Variants in PSIP1 observed in about 807,000 individuals in gnomAD.
The protein encoded by PSIP1 is PC4 and SRSF1 interacting protein 1.
A neutral mutation model predicts 74.7 loss-of-function variants in PSIP1; 19 were observed. The ratio of observed to expected loss-of-function variants is 0.25; its 90% CI spans 0.18 to 0.37. The LOEUF (loss-of-function observed/expected upper bound fraction) is 0.37. PSIP1 is among the 10% of genes least tolerant of loss of function. PSIP1 has a pLI of 1.00. For missense variants in PSIP1, 601 were observed against 614.3 expected, an observed-to-expected ratio of 0.98 and a Z score of 0.23; for synonymous variants, 222 against 195.3, an observed-to-expected ratio of 1.14 and a Z score of -1.14.
chr9:15,468,288 G>A (rs1379423875), intron 14 of PSIP1: 8 of 549,794 alleles, frequency 1.5e-5, no homozygotes, highest in Non-Finnish European at 2.8e-5. Flanking sequence ...TACTTTTTAG[G>A]TGAGAAGAAA....
At chr9:15,472,565 T>C in intron 10 of PSIP1, 67 bp downstream of exon 10, 1 of 1,530,194 alleles carries the variant, frequency 6.5e-7, no homozygotes, top group Non-Finnish European at 8.7e-7. Flanking sequence ...AATGAAAGTC[T>C]ATTATTTAAA....
At chr9:15,479,561 A>C in intron 7 of PSIP1, 30 bp downstream of exon 7, 2 of 1,524,280 alleles carry the variant, frequency 1.3e-6, no homozygotes, top group Non-Finnish European at 1.8e-6. Context: ...ATCACAAGCC[A>C]AACAGATATT....
At chr9:15,477,350 AC>A (rs2036134222) in intron 8 of PSIP1, among the ~76,000 whole-genome samples, 1 of 152,166 alleles carries the variant, frequency 6.6e-6, no homozygotes, top group South Asian at 2.1e-4. Context: ...TGTGGTGAGA[AC>A]CCTTAAAGTC....
intron 3 of PSIP1, chr9:15,505,495 G>A (rs2037544938): frequency 1.3e-5 from 2 of 152,152 alleles, no homozygotes; most frequent in South Asian, 2.1e-4. Flanking sequence ...AACCAATTCT[G>A]GATCCAAAGT....
intron 2 of PSIP1, 96 bp from the exon 3 acceptor site, chr9:15,506,733 T>C (rs1304628527): frequency 1.0e-6 from 1 of 952,916 alleles, no homozygotes; most frequent in Non-Finnish European, 1.5e-6. Context: ...AAGGGTTCTG[T>C]TATAAAATGG....
chr9:15,470,809 C>G (rs2035791495), intron 10 of PSIP1: 2 of 1,024,368 alleles, frequency 2.0e-6, no homozygotes, highest in Non-Finnish European at 2.4e-6. Flanking sequence ...AACTGCTATT[C>G]CAGTTTAATA....
intron 10 of PSIP1, among the ~76,000 whole-genome samples, 166 bp from the exon 11 acceptor site, chr9:15,470,159 A>G (rs913249434): frequency 1.3e-5 from 2 of 152,102 alleles, no homozygotes; most frequent in Admixed American, 6.6e-5. Flanking sequence ...TAGCATAAAT[A>G]TAAGCAAAAC....
intron 4 of PSIP1, chr9:15,489,363 T>C (rs562123865): frequency 1.3e-5 from 2 of 152,176 alleles, no homozygotes; most frequent in South Asian, 4.2e-4. Context: ...ATCCCAGCAT[T>C]TTGGGAGGCT....
rs113919033 is a variant in PSIP1, at chr9:15,476,022, C to T, written c.630-1785G>A. 2.3e-3 allele frequency among the ~76,000 whole-genome samples: 344 copies of T among 152,140 alleles called. 1 individual carries two copies. The highest frequency in any genetic ancestry group is 4.0e-3 in the Non-Finnish European group (272 of 68,004). ...TCTACTGTTGTGTCACATCAGTACC[C>T]GTGACAAAGAAGTAGACGCTAAGAG... On this transcript the variant is annotated intron_variant, in intron 8 of 15. Transcript: ENST00000380733.
chr9:15,486,343 T>A (rs1563882228), intron 5 of PSIP1, among the ~76,000 whole-genome samples: 4 of 152,252 alleles, frequency 2.6e-5, no homozygotes, highest in African/African-American at 4.8e-5. Context: ...ACTAGAATTC[T>A]GAATTATAGG....
intron 2 of PSIP1, among the ~76,000 whole-genome samples, chr9:15,507,211 A>C (rs1221596160): frequency 6.6e-6 from 1 of 152,194 alleles, no homozygotes; most frequent in African/African-American, 2.4e-5. Context: ...TTCCTTTTTC[A>C]CTGCTCTTTC....
chr9:15,508,709 T>G (rs2037712783), intron 2 of PSIP1, among the ~76,000 whole-genome samples: 1 of 152,180 alleles, frequency 6.6e-6, no homozygotes, highest in African/African-American at 2.4e-5. Context: ...TTCCCTAGGC[T>G]CCATTTGAAC....
chr9:15,479,648 T>C lies in PSIP1; in HGVS notation c.496A>G (p.Thr166Ala). 1 of 1,612,262 alleles carries C rather than the reference T, an allele frequency of 6.2e-7. No individual in the cohort carries two copies. The highest frequency in any genetic ancestry group is 8.5e-7 in the Non-Finnish European group (1 of 1,179,268). The change falls in exon 7 of 16, where the codon ACA becomes GCA. Residue 166 changes from threonine to alanine, a missense_variant. Thr to Ala is a moderately conservative substitution (Grantham distance 58). Coordinates refer to ENST00000380733, the MANE Select transcript of PSIP1 (RefSeq NM_033222.5). ...QVETEEAGVV[T>A]TATASVNLKV... is the part of the protein sequence containing the mutation. ...AGATTAACAGATGCTGTTGCTGTTGTCACTACTCCTGCCTCCTCAGTTTCT... is the reference window on the plus strand; with the variant it reads ...AGATTAACAGATGCTGTTGCTGTTGCCACTACTCCTGCCTCCTCAGTTTCT...
Position 15,472,966 on chromosome 9 carries a change from T to C in PSIP1, c.859-216A>G, listed in dbSNP as rs139027897. Among the ~76,000 whole-genome samples, 6 of 152,358 alleles carry C rather than the reference T, an allele frequency of 3.9e-5. No individual in the cohort carries two copies. In the East Asian group the frequency reaches 9.6e-4, roughly 24 times the overall value. On this transcript the variant is annotated intron_variant, in intron 9 of 15. Transcript: ENST00000380733. Reference sequence around the variant, plus strand: ...AATCATCTTGTTTTATGCCCTGCTATAGGAGTGATGTCCTTTGGATAAAAT... The same window carrying C: ...AATCATCTTGTTTTATGCCCTGCTACAGGAGTGATGTCCTTTGGATAAAAT...
intron 10 of PSIP1, 26 bp from the exon 11 acceptor site, chr9:15,470,019 C>T (rs1425599820): frequency 6.4e-7 from 1 of 1,571,864 alleles, no homozygotes; most frequent in Non-Finnish European, 8.7e-7. Context: ...AAAAATATTT[C>T]AACACATTGG....
Position 15,465,286 on chromosome 9 carries a change from A to C in PSIP1, c.*234T>G. On this transcript the variant is annotated 3_prime_UTR_variant, in exon 16 of 16. Transcript: ENST00000380733. ...CAACCATGTCTGGAAAAGCAGTTTA[A>C]CATTTTCTAAATGGATTTTATCCCA... 1 of 442,620 alleles carries C rather than the reference A, an allele frequency of 2.3e-6. No homozygotes were observed. Among genetic ancestry groups the C allele is most frequent in the South Asian group, 4.7e-5 (1 of 21,330 alleles). The allele number at this position is 442,620 out of a possible 1,614,324, so 27.4% of individuals were successfully genotyped here.
chr9:15,489,007 C>T (rs566932712), intron 4 of PSIP1, among the ~76,000 whole-genome samples: 11 of 151,978 alleles, frequency 7.2e-5, no homozygotes, highest in South Asian at 2.1e-4. Context: ...GGCGACAGAG[C>T]GAGACTCCTC....
At chr9:15,492,670 G>T (rs960735394) in intron 3 of PSIP1, among the ~76,000 whole-genome samples, 1 of 152,190 alleles carries the variant, frequency 6.6e-6, no homozygotes, top group African/African-American at 2.4e-5. Context: ...CCTAGCACAG[G>T]TTCTCCACGA....
chr9:15,469,359 A>C, intron 11 of PSIP1, 23 bp from the exon 12 acceptor site: 2 of 1,456,872 alleles, frequency 1.4e-6, no homozygotes, highest in Non-Finnish European at 1.9e-6. Flanking sequence ...ATATGTGAAA[A>C]ACAGTGAACA....
Sources: gnomAD v4.1 joint callset for allele counts (sites outside exome capture counted in the v4.1 genomes callset) on GRCh38, gnomAD v4.1.1 for gene constraint, MANE v1.5 for transcripts, NCBI Gene and HGNC (gene_info 2026-07-23, HGNC 2026-07-21) for gene names.